ESR1: variants seen among roughly 807,000 people sequenced by gnomAD.
ESR1 encodes estrogen receptor.
In ESR1, 12 loss-of-function variants were observed where a neutral mutation model predicts 52.7. The observed-to-expected ratio is 0.23, with a 90% confidence interval of 0.15 to 0.37. The LOEUF (loss-of-function observed/expected upper bound fraction) is 0.37, where lower values mean the gene tolerates loss of function less well. Among genes scored for constraint, ESR1 ranks in the 10% least tolerant of loss-of-function variants. The pLI, the probability that ESR1 is intolerant of heterozygous loss-of-function variation, is 1.00. For missense variants in ESR1, 584 were observed against 779.7 expected (o/e 0.75, Z 2.99); for synonymous variants, 305 against 316.8 (o/e 0.96, Z 0.39).
rs144067358 is a variant in ESR1 at position 151,929,986 on chromosome 6, C to CT, written c.761-14173dup. 4.5e-3 allele frequency among the ~76,000 whole-genome samples: 644 copies of CT among 142,648 alleles called. 2 individuals carry two copies. The highest frequency in any genetic ancestry group is 0.011 in the Middle Eastern group (3 of 280). The allele number at this position is 142,648 out of a possible 152,430, so 93.6% of individuals were successfully genotyped here. On this transcript the variant is annotated intron_variant, in intron 3 of 7. Coordinates refer to ENST00000206249, the MANE Select transcript of ESR1 (RefSeq NM_000125.4). ...TTCTCTTAGAGTATTAACTATACTT[C>CT]TTTTTTTTTTTTTTGAGACAGAGTT...
chr6:152,088,630 G>A (rs370867338), intron 6 of ESR1, among the ~76,000 whole-genome samples: 1 of 152,284 alleles, frequency 6.6e-6, no homozygotes, highest in African/African-American at 2.4e-5. Context: ...AGAGAGACCT[G>A]CGCTAGCACA....
intron 4 of ESR1, among the ~76,000 whole-genome samples, chr6:152,009,170 T>C (rs1398982508): frequency 6.6e-6 from 1 of 152,068 alleles, no homozygotes; most frequent in Non-Finnish European, 1.5e-5. Flanking sequence ...CTTATCCTTA[T>C]AAACAAAGCC....
At chr6:151,969,425 T>C (rs1490495977) in intron 4 of ESR1, among the ~76,000 whole-genome samples, 2 of 152,118 alleles carry the variant, frequency 1.3e-5, no homozygotes, top group Admixed American at 6.5e-5. Flanking sequence ...AAATGAGCCA[T>C]TGAGATGTAG....
intron 1 of ESR1, among the ~76,000 whole-genome samples, chr6:151,817,607 T>G (rs181329398): frequency 2.0e-5 from 3 of 152,330 alleles, no homozygotes; most frequent in East Asian, 3.9e-4. Context: ...GACTGGCCGT[T>G]GCATTTGATA....
At chr6:152,125,211 C>T in intron 6 of ESR1, 1 of 1,528,634 alleles carries the variant, frequency 6.5e-7, no homozygotes, top group South Asian at 1.2e-5. Context: ...AAATGTTTTG[C>T]TGGTTGGTGA....
At chr6:152,056,478 G>GAC (rs2047113862) in intron 5 of ESR1, among the ~76,000 whole-genome samples, 1 of 152,132 alleles carries the variant, frequency 6.6e-6, no homozygotes, top group Non-Finnish European at 1.5e-5. Flanking sequence ...GCATATTTTT[G>GAC]AAGATATACA....
At chr6:151,709,459 G>T (rs1316637619) in intron 2 of ESR1, among the ~76,000 whole-genome samples, 1 of 152,042 alleles carries the variant, frequency 6.6e-6, no homozygotes, top group Non-Finnish European at 1.5e-5. Context: ...TGCAGATATG[G>T]CTTTGACATA....
At chr6:151,740,734 G>A (rs760283514) in intron 2 of ESR1, among the ~76,000 whole-genome samples, 3 of 152,002 alleles carry the variant, frequency 2.0e-5, no homozygotes, top group Non-Finnish European at 2.9e-5. Flanking sequence ...TATGTTAACC[G>A]TTCTTTGAAT....
chr6:152,033,954 T>G (rs1488266785), intron 5 of ESR1, among the ~76,000 whole-genome samples: 1 of 152,142 alleles, frequency 6.6e-6, no homozygotes. Context: ...TGGAATACTA[T>G]GCAGCCATAA....
intron 5 of ESR1, among the ~76,000 whole-genome samples, chr6:152,023,183 G>A (rs1474030393): frequency 7.9e-5 from 12 of 152,088 alleles, no homozygotes; most frequent in Admixed American, 5.2e-4. Flanking sequence ...AAGAGAAAAT[G>A]GGGGTGGAAT....
At chr6:151,883,238 A>G (rs544248132) in intron 3 of ESR1, among the ~76,000 whole-genome samples, 46 of 151,750 alleles carry the variant, frequency 3.0e-4, no homozygotes, top group African/African-American at 1.1e-3. Flanking sequence ...TCCTGCTTCA[A>G]CTTCCCAAGT....
At chr6:151,957,421 G>T (rs113068960) in intron 4 of ESR1, among the ~76,000 whole-genome samples, 3,571 of 152,208 alleles carry the variant, frequency 0.023, 68 homozygotes, top group Non-Finnish European at 0.036. Context: ...TAAACATTCA[G>T]CTTGTGTATT....
intron 1 of ESR1, among the ~76,000 whole-genome samples, chr6:151,695,639 TG>T (rs1465985807): frequency 6.6e-6 from 1 of 152,218 alleles, no homozygotes; most frequent in African/African-American, 2.4e-5. Context: ...TTCATAGAAA[TG>T]GTCTCATTGG....
At chr6:151,987,997 T>G (rs7743290) in intron 4 of ESR1, among the ~76,000 whole-genome samples, 43,032 of 151,814 alleles carry the variant, frequency 0.28, 6,702 homozygotes, top group East Asian at 0.41. Flanking sequence ...CTAAACTCAG[T>G]ATAGTTTTAA....
At position 152,048,313 on chromosome 6, in the gene ESR1, G is replaced by A. The variant is rs1341587637; in HGVS notation, c.1236-12678G>A. Among the ~76,000 whole-genome samples, 11 of 148,318 alleles carry A rather than the reference G, an allele frequency of 7.4e-5. No individual in the cohort carries two copies. The Admixed American group carries it at 7.4e-4, about 10-fold the overall frequency. On this transcript the variant is annotated intron_variant, in intron 5 of 7. Coordinates refer to ENST00000206249, the MANE Select transcript of ESR1 (RefSeq NM_000125.4). ...CTTGAGGAGGATATTGCAGTGAGCT[G>A]GATCGCACCTCTGCACTCCAGCCTG...
In ESR1 at chr6:151,773,966, A is replaced by G. The variant is rs546707700; in HGVS notation, c.-70-33877A>G. On this transcript the variant is annotated intron_variant, in intron 2 of 2. Transcript: ENST00000404742. ...CACACCTGACATCCTTAGTAAAGAG[A>G]AAGCTTTCTGAAATAAGAGTGAGGG... is the stretch of plus-strand genomic sequence containing the variant. Among the ~76,000 whole-genome samples the G allele has an allele frequency of 2.1e-4, 32 of 152,188 alleles. No individual in the cohort carries two copies. In the South Asian group the frequency reaches 5.0e-3, roughly 24 times the overall value.
At chr6:151,802,702 T>G (rs1777381732), upstream of ESR1, among the ~76,000 whole-genome samples, 1 of 152,206 alleles carries the variant, frequency 6.6e-6, no homozygotes, top group Admixed American at 6.5e-5. Context: ...AAAACAGTTT[T>G]GAAAGACCGG....
chr6:151,749,809 T>C (rs1482536967), intron 2 of ESR1, among the ~76,000 whole-genome samples: 5 of 152,154 alleles, frequency 3.3e-5, no homozygotes, highest in Non-Finnish European at 7.3e-5. Flanking sequence ...GAAAAAGAAC[T>C]GCTAGACAGA....
intron 6 of ESR1, chr6:152,122,558 G>A: frequency 6.2e-7 from 1 of 1,614,214 alleles, no homozygotes; most frequent in South Asian, 1.1e-5. Context: ...AGCCCGATGA[G>A]GAGGAGCAGG....
Sources: allele counts gnomAD v4.1 joint callset (sites outside exome capture counted in the v4.1 genomes callset), GRCh38; gene constraint gnomAD v4.1.1; transcripts MANE v1.5; gene names NCBI Gene and HGNC (gene_info 2026-07-23, HGNC 2026-07-21).